Variants in NEGR1 observed in about 807,000 individuals in gnomAD.
NEGR1 encodes the protein neuronal growth regulator 1, also known as IgLON family member 4.
Under a neutral mutation model 40.9 loss-of-function variants are expected in NEGR1, and 10 were observed. The observed-to-expected ratio is 0.24, with a 90% CI of 0.15 to 0.42. The LOEUF (loss-of-function observed/expected upper bound fraction) is 0.42. Among genes scored for constraint, NEGR1 ranks in the 10% least tolerant of loss-of-function variants. The pLI is 1.00. For missense variants in NEGR1, 352 were observed against 438.9 expected (o/e 0.80, Z 1.77); for synonymous variants, 185 against 166.8 (o/e 1.11, Z -0.84).
chr1:71,887,147 A>C (rs1192110720), intron 2 of NEGR1, among the ~76,000 whole-genome samples: 1 of 152,228 alleles, frequency 6.6e-6, no homozygotes, highest in African/African-American at 2.4e-5. Flanking sequence ...GAAAATTATA[A>C]GTAAGGGAAA....
At chr1:72,023,644 T>C (rs1175807219) in intron 1 of NEGR1, among the ~76,000 whole-genome samples, 3 of 135,026 alleles carry the variant, frequency 2.2e-5, no homozygotes, top group African/African-American at 8.3e-5. Context: ...GTTTAAAACA[T>C]TTTAGTAAAA....
At chr1:71,576,669 T>C (rs1346182423) in intron 6 of NEGR1, among the ~76,000 whole-genome samples, 1 of 152,240 alleles carries the variant, frequency 6.6e-6, no homozygotes. Flanking sequence ...CAAAGAATAC[T>C]AGCGAAGAAC....
intron 6 of NEGR1, among the ~76,000 whole-genome samples, chr1:71,412,728 T>G (rs1557517515): frequency 6.6e-6 from 1 of 151,636 alleles, no homozygotes; most frequent in Non-Finnish European, 1.5e-5. Context: ...AGGAGAAGAA[T>G]GAAGAAAAGA....
chr1:71,967,288 C>T (rs997666321), intron 1 of NEGR1, among the ~76,000 whole-genome samples: 4 of 152,058 alleles, frequency 2.6e-5, no homozygotes, highest in African/African-American at 9.7e-5. Context: ...TGGGAAAAGT[C>T]CATGCTGGGT....
intron 4 of NEGR1, among the ~76,000 whole-genome samples, chr1:71,624,597 AT>A (rs1650707586): frequency 6.6e-6 from 1 of 151,910 alleles, no homozygotes; most frequent in South Asian, 2.1e-4. Flanking sequence ...ATATTGGACT[AT>A]TTCAAATTGG....
chr1:72,242,975 C>T (rs899679999), intron 1 of NEGR1, among the ~76,000 whole-genome samples: 1 of 151,476 alleles, frequency 6.6e-6, no homozygotes. Context: ...TAATTGTACT[C>T]ATATTATGTC....
At position 71,941,308 on chromosome 1, in the gene NEGR1, A is replaced by G. The variant is rs370360298; in HGVS notation, c.177-5997T>C. ...AAGCAGAGATTATATGGAAGAGAAC[A>G]GAAATTTTACCATCTTTCTCCCCTA... On this transcript the variant is annotated intron_variant, in intron 1 of 6. Coordinates refer to ENST00000357731, the MANE Select transcript of NEGR1 (RefSeq NM_173808.3). Among the ~76,000 whole-genome samples, 10 of 151,894 alleles carry G rather than the reference A, an allele frequency of 6.6e-5. No homozygotes were observed. In the East Asian group the frequency reaches 7.7e-4, roughly 12 times the overall value.
chr1:71,549,785 C>T (rs1196486213), intron 6 of NEGR1, among the ~76,000 whole-genome samples: 1 of 151,600 alleles, frequency 6.6e-6, no homozygotes, highest in Non-Finnish European at 1.5e-5. Flanking sequence ...TGGATTCTTT[C>T]AAATATTTAT....
intron 1 of NEGR1, among the ~76,000 whole-genome samples, chr1:72,199,137 C>CTAGATAGA (rs776278849): frequency 4.8e-5 from 6 of 124,690 alleles, no homozygotes; most frequent in Non-Finnish European, 8.2e-5. Context: ...GGAGATCTAT[C>CTAGATAGA]TAGATAGACA....
chr1:71,799,234 C>A (rs930170833), intron 2 of NEGR1, among the ~76,000 whole-genome samples: 1 of 152,038 alleles, frequency 6.6e-6, no homozygotes, highest in East Asian at 1.9e-4. Flanking sequence ...GTGATATTCA[C>A]CTCCCTGTGT....
chr1:71,867,132 C>CACTTGAGGTCAGGAGTTTGAG (rs1000239739), intron 2 of NEGR1, among the ~76,000 whole-genome samples: 1 of 152,136 alleles, frequency 6.6e-6, no homozygotes, highest in African/African-American at 2.4e-5. Flanking sequence ...GTGGGCGGAT[C>CACTTGAGGTCAGGAGTTTGAG]ACTTGAGGTC....
At chr1:71,744,612 C>T (rs1192498452) in intron 3 of NEGR1, among the ~76,000 whole-genome samples, 1 of 151,862 alleles carries the variant, frequency 6.6e-6, no homozygotes. Context: ...CTGATAGGCC[C>T]AGTAATGAGG....
chr1:71,496,178 T>C (rs1288243419), intron 6 of NEGR1, among the ~76,000 whole-genome samples: 1 of 152,170 alleles, frequency 6.6e-6, no homozygotes, highest in Non-Finnish European at 1.5e-5. Context: ...TGGATAATTC[T>C]GAGTGATGTG....
intron 1 of NEGR1, among the ~76,000 whole-genome samples, chr1:72,149,442 C>T (rs1031164465): frequency 6.6e-6 from 1 of 152,056 alleles, no homozygotes; most frequent in Non-Finnish European, 1.5e-5. Context: ...GACGAAGAAG[C>T]TTCTTAAAAT....
chr1:72,135,650 T>C (rs1650435862), intron 1 of NEGR1, among the ~76,000 whole-genome samples: 1 of 152,228 alleles, frequency 6.6e-6, no homozygotes, highest in African/African-American at 2.4e-5. Flanking sequence ...TATGATGCAG[T>C]TTCCAAGAGA....
intron 1 of NEGR1, among the ~76,000 whole-genome samples, chr1:72,032,332 G>A (rs1557492671): frequency 6.6e-6 from 1 of 152,122 alleles, no homozygotes; most frequent in South Asian, 2.1e-4. Flanking sequence ...CAAGAAGAAC[G>A]TAGTGCACAG....
At chr1:71,971,186 T>G (rs1396123615) in intron 1 of NEGR1, among the ~76,000 whole-genome samples, 1 of 152,316 alleles carries the variant, frequency 6.6e-6, no homozygotes, top group South Asian at 2.1e-4. Context: ...CCAAGAATGG[T>G]ATTTTTCCCA....
At chr1:71,578,246 C>T (rs1230150475) in intron 6 of NEGR1, among the ~76,000 whole-genome samples, 1 of 151,986 alleles carries the variant, frequency 6.6e-6, no homozygotes, top group Admixed American at 6.6e-5. Flanking sequence ...TAGGCTGGGA[C>T]TAGAGATGTA....
At chr1:71,789,952 G>A (rs559249499) in intron 2 of NEGR1, among the ~76,000 whole-genome samples, 2 of 152,232 alleles carry the variant, frequency 1.3e-5, no homozygotes, top group Admixed American at 6.5e-5. Context: ...GGCTACTACT[G>A]TAGTGGAAGG....
Sources: gnomAD v4.1 joint callset for allele counts (sites outside exome capture counted in the v4.1 genomes callset) on GRCh38, gnomAD v4.1.1 for gene constraint, MANE v1.5 for transcripts, NCBI Gene and HGNC (gene_info 2026-07-23, HGNC 2026-07-21) for gene names.